CTH: variants seen among roughly 807,000 people sequenced by gnomAD.
CTH encodes cystathionine gamma-lyase.
CTH carries 41 observed loss-of-function variants against 50.6 expected under a neutral mutation model. The observed-to-expected ratio is 0.81, with a 90% CI of 0.63 to 1.05. CTH has a LOEUF of 1.05. CTH is among the 50% of genes least tolerant of loss of function. CTH has a pLI of 0.00. For missense variants in CTH, 470 were observed against 492.6 expected, an observed-to-expected ratio of 0.95 and a Z score of 0.43; for synonymous variants, 156 against 168.9, an observed-to-expected ratio of 0.92 and a Z score of 0.59.
At chr1:70,416,175 C>G (rs567455247) in intron 2 of CTH, 138 bp downstream of exon 2, 1 of 660,888 alleles carries the variant, frequency 1.5e-6, no homozygotes, top group African/African-American at 1.8e-5. Context: ...AATTCTTTGC[C>G]CAAGGTCCCT....
rs1323624604 is a variant in CTH at position 70,411,508 on chromosome 1, A to G, written c.93A>G (p.Gln31=). 1.2e-5 allele frequency: 20 copies of G among 1,614,056 alleles called. No individual in the cohort carries two copies. The highest frequency in any genetic ancestry group is 1.7e-5 in the Admixed American group (1 of 60,006). ...TCCATGTGGGCCAGGATCCAGAGCA[A>G]TGGACCTCCAGGGCTGTAGTGCCCC... ...QAIHVGQDPE[Q]WTSRAVVPPI... Residue 31 remains glutamine, a synonymous_variant, in exon 1 of 12, where the codon CAA becomes CAG. Transcript: ENST00000370938.
Position 70,418,021 on chromosome 1 carries a change from A to T in CTH, c.335A>T (p.Asp112Val). ...GGAGACCAAATTATTTGTATGGATG[A>T]TGTGTATGGAGGTAGGTGACCCCTC... ...KAGDQIICMD[D>V]VYGGTNRYFR... The change falls in exon 3 of 12, where the codon GAT (aspartate) becomes GTT (valine). Residue 112 changes from aspartate (D) to valine (V), a missense_variant. By Grantham distance (152) the Asp-to-Val change is radical. Coordinates refer to ENST00000370938, the MANE Select transcript of CTH (RefSeq NM_001902.6). 2 of 1,614,128 alleles carry T rather than the reference A, an allele frequency of 1.2e-6. No homozygotes were observed. The highest frequency in any genetic ancestry group is 1.7e-6 in the Non-Finnish European group (2 of 1,179,996).
In CTH at chr1:70,438,799, A is replaced by G; in HGVS notation, c.1164A>G (p.Glu388=). 6.2e-7 allele frequency: 1 copy of G among 1,613,722 alleles called. No individual in the cohort carries two copies. Among genetic ancestry groups the G allele is most frequent in the Non-Finnish European group, 8.5e-7 (1 of 1,179,956 alleles). Residue 388 remains glutamate, a synonymous_variant, in exon 11 of 12, where the codon GAA becomes GAG. Transcript: ENST00000370938. ...VGLEDEEDLL[E]DLDQALKAAH... is the part of the protein sequence containing the mutation. Reference sequence around the variant, plus strand: ...TAGAGGATGAGGAAGACCTACTGGAAGATCTAGATCAAGCTTTGAAGGCAG... The same window carrying G: ...TAGAGGATGAGGAAGACCTACTGGAGGATCTAGATCAAGCTTTGAAGGCAG...
At chr1:70,435,511 A>T (rs146270340) in intron 10 of CTH, among the ~76,000 whole-genome samples, 1 of 152,124 alleles carries the variant, frequency 6.6e-6, no homozygotes, top group East Asian at 1.9e-4. Flanking sequence ...AGGGGATTGG[A>T]GACTTTGTAC....
intron 10 of CTH, among the ~76,000 whole-genome samples, chr1:70,438,015 G>T (rs1684634315): frequency 6.6e-6 from 1 of 152,078 alleles, no homozygotes; most frequent in South Asian, 2.1e-4. Flanking sequence ...TTGTTATTTA[G>T]GTTAAAGAAA....
chr1:70,414,865 C>A (rs764075028), intron 1 of CTH, among the ~76,000 whole-genome samples: 7 of 151,896 alleles, frequency 4.6e-5, no homozygotes, highest in Non-Finnish European at 8.8e-5. Context: ...TGTTGGCCAG[C>A]CTGGAGTGCA....
chr1:70,433,556 A>T (rs1468752834), intron 8 of CTH, among the ~76,000 whole-genome samples: 1 of 152,202 alleles, frequency 6.6e-6, no homozygotes, highest in African/African-American at 2.4e-5. Flanking sequence ...TTAACAAGGG[A>T]AGTCCAGGTT....
Position 70,411,529 on chromosome 1 carries a change from GC to G in CTH, c.120del (p.Ile41SerfsTer51). 2 of 1,614,148 alleles carry G rather than the reference GC, an allele frequency of 1.2e-6. No homozygotes were observed. The highest frequency in any genetic ancestry group is 2.2e-5 in the East Asian group (1 of 44,880). The part of the protein sequence containing the change: ...PEQWTSRAVV[P>X]PISLSTTFKQ... The stretch of plus-strand genomic sequence containing the variant: ...AGCAATGGACCTCCAGGGCTGTAGT[GC>G]CCCCCATCTCACTGTCCACCACGTT... On this transcript the variant is annotated frameshift_variant, in exon 1 of 12. Coordinates refer to ENST00000370938, the MANE Select transcript of CTH (RefSeq NM_001902.6). LOFTEE classifies it high-confidence loss of function.
rs999324952 is a variant in CTH, at chr1:70,433,742, A to C, written c.878-86A>C. ...CTCGTCTTAGGCTTATTTGCAGTTA[A>C]GTAGACAGTGAAAAATACCACCCTC... On this transcript the variant is annotated intron_variant, in intron 8 of 11. Transcript: ENST00000370938. 3.1e-6 allele frequency: 5 copies of C among 1,587,456 alleles called. No individual in the cohort carries two copies. In the African/African-American group the frequency reaches 5.4e-5, roughly 17 times the overall value.
chr1:70,418,111 A>C, intron 3 of CTH, 79 bp downstream of exon 3: 1 of 1,489,888 alleles, frequency 6.7e-7, no homozygotes, highest in Non-Finnish European at 9.3e-7. Flanking sequence ...AATATTAACA[A>C]TGTTGCCAGT....
At chr1:70,439,029 G>C (rs1388771033) in intron 11 of CTH, 72 bp from the exon 12 acceptor site, 43 of 1,546,546 alleles carry the variant, frequency 2.8e-5, no homozygotes, top group Non-Finnish European at 3.7e-5. Flanking sequence ...TTCAGAAAAA[G>C]GACTTCTTGA....
At chr1:70,412,810 G>A (rs180849197) in intron 1 of CTH, among the ~76,000 whole-genome samples, 157 of 152,184 alleles carry the variant, frequency 1.0e-3, no homozygotes, top group African/African-American at 3.6e-3. Context: ...ATAATTACTC[G>A]ATGGTAATTT....
At chr1:70,432,652 G>A (rs1421921062) in intron 8 of CTH, among the ~76,000 whole-genome samples, 1 of 149,522 alleles carries the variant, frequency 6.7e-6, no homozygotes, top group Non-Finnish European at 1.5e-5. Flanking sequence ...GATATTAGGT[G>A]CTAAAATTCC....
intron 5 of CTH, among the ~76,000 whole-genome samples, chr1:70,426,305 CTCTTT>C (rs1684345267): frequency 6.6e-6 from 1 of 152,192 alleles, no homozygotes; most frequent in African/African-American, 2.4e-5. Flanking sequence ...CTTCTTCCTG[CTCTTT>C]TCTTCCTGCC....
intron 3 of CTH, among the ~76,000 whole-genome samples, chr1:70,418,850 G>C (rs1011142741): frequency 6.6e-6 from 1 of 152,048 alleles, no homozygotes; most frequent in Non-Finnish European, 1.5e-5. Context: ...TGAGTGATTA[G>C]CATTTTAATT....
intron 3 of CTH, among the ~76,000 whole-genome samples, chr1:70,420,532 A>T (rs370514250): frequency 1.5e-3 from 232 of 152,188 alleles, no homozygotes; most frequent in Non-Finnish European, 2.3e-3. Flanking sequence ...CAGGAGACTG[A>T]GCTCAGGGAG....
chr1:70,431,241 G>T (rs965075222), intron 7 of CTH: 2 of 151,998 alleles, frequency 1.3e-5, no homozygotes, highest in Non-Finnish European at 2.9e-5. Flanking sequence ...TAAGAAATGA[G>T]TTTTTTTATT....
At position 70,432,137 on chromosome 1, in the gene CTH, A is replaced by G; in HGVS notation, c.779A>G (p.Lys260Arg). The change falls in exon 8 of 12, where the codon AAG (lysine) becomes AGG (arginine). Residue 260 changes from lysine (K) to arginine (R), a missense_variant. Lys to Arg is a conservative substitution (Grantham distance 26, BLOSUM62 2). Coordinates refer to ENST00000370938, the MANE Select transcript of CTH (RefSeq NM_001902.6). ...TGTTACCTCTGCAATCGAGGTCTGAAGACTCTACATGTCCGAATGGAAAAG... is the reference window on the plus strand; with the variant it reads ...TGTTACCTCTGCAATCGAGGTCTGAGGACTCTACATGTCCGAATGGAAAAG... Reference protein sequence around the residue: ...IDCYLCNRGLKTLHVRMEKHF... With the variant: ...IDCYLCNRGLRTLHVRMEKHF... 6.2e-7 allele frequency: 1 copy of G among 1,614,182 alleles called. No individual in the cohort carries two copies. Among genetic ancestry groups the G allele is most frequent in the Non-Finnish European group, 8.5e-7 (1 of 1,180,028 alleles).
At chr1:70,432,330 T>G in intron 8 of CTH, 95 bp downstream of exon 8, 1 of 1,446,154 alleles carries the variant, frequency 6.9e-7, no homozygotes, top group Non-Finnish European at 9.6e-7. Flanking sequence ...GTTAGGTGCT[T>G]TCACGTATTG....
Sources: allele counts gnomAD v4.1 joint callset (sites outside exome capture counted in the v4.1 genomes callset), GRCh38; gene constraint gnomAD v4.1.1; transcripts MANE v1.5; gene names NCBI Gene and HGNC (gene_info 2026-07-23, HGNC 2026-07-21).